PPP2R2C: variants seen among roughly 807,000 people sequenced by gnomAD.
PPP2R2C encodes the protein protein phosphatase 2 regulatory subunit Bgamma, also known as protein phosphatase 2, regulatory subunit B, gamma.
Under a neutral mutation model 45.3 loss-of-function variants are expected in PPP2R2C, and 10 were observed. The observed-to-expected ratio is 0.22, with a 90% CI of 0.14 to 0.37. The LOEUF is 0.37. Ranked by LOEUF, PPP2R2C falls within the 10% of genes least tolerant of loss-of-function variation. The probability of loss-of-function intolerance (pLI) is 1.00; values close to 1 mark genes in which losing one functional copy is unlikely to be tolerated. For missense variants in PPP2R2C, 308 were observed against 619.7 expected, an observed-to-expected ratio of 0.50 and a Z score of 5.34; for synonymous variants, 257 against 245.4, an observed-to-expected ratio of 1.05 and a Z score of -0.44.
intron 1 of PPP2R2C, among the ~76,000 whole-genome samples, chr4:6,417,272 T>C (rs892100637): frequency 6.6e-6 from 1 of 152,190 alleles, no homozygotes; most frequent in Non-Finnish European, 1.5e-5. Flanking sequence ...TCTGAGAATA[T>C]AAGTGTAGCC....
chr4:6,448,377 T>A (rs1720544962), intron 1 of PPP2R2C, among the ~76,000 whole-genome samples: 1 of 151,960 alleles, frequency 6.6e-6, no homozygotes, highest in Non-Finnish European at 1.5e-5. Flanking sequence ...TGGAGCGGGA[T>A]CCAGACCCAG....
rs1298608442 is a variant in PPP2R2C at position 6,320,923 on chromosome 4, TG to T, written c.*2378del. 1.3e-5 allele frequency: 2 copies of T among 152,254 alleles called. No individual in the cohort carries two copies. The highest frequency in any genetic ancestry group is 1.5e-5 in the Non-Finnish European group (1 of 68,054). The allele number at this position is 152,254 out of a possible 1,614,324, so 9.4% of individuals were successfully genotyped here. A position where few individuals can be genotyped will look rare whatever the true frequency, so the allele number is the denominator to read the frequency against. On this transcript the variant is annotated 3_prime_UTR_variant, in exon 9 of 9. Transcript: ENST00000382599. ...GGATGCAAGTCTGTGACTATTACAC[TG>T]GTCCTTCCACCGTTTCTGGTTTTGT... is the stretch of plus-strand genomic sequence containing the variant.
intron 1 of PPP2R2C, among the ~76,000 whole-genome samples, chr4:6,539,824 G>A (rs1724751088): frequency 6.6e-6 from 1 of 152,170 alleles, no homozygotes; most frequent in African/African-American, 2.4e-5. Flanking sequence ...CATACGACAA[G>A]TGAGGCCCCT....
intron 2 of PPP2R2C, among the ~76,000 whole-genome samples, chr4:6,480,108 A>G (rs1026343201): frequency 1.3e-5 from 2 of 151,974 alleles, no homozygotes; most frequent in African/African-American, 4.8e-5. Context: ...TTCTCTTTCC[A>G]GAGGCAAACA....
At chr4:6,391,877 T>C (rs1716669755) in intron 1 of PPP2R2C, among the ~76,000 whole-genome samples, 1 of 152,242 alleles carries the variant, frequency 6.6e-6, no homozygotes, top group Non-Finnish European at 1.5e-5. Flanking sequence ...CCTGACCAGC[T>C]GTGTGACCTT....
At chr4:6,448,890 C>T (rs540684307) in intron 1 of PPP2R2C, among the ~76,000 whole-genome samples, 1 of 152,326 alleles carries the variant, frequency 6.6e-6, no homozygotes, top group South Asian at 2.1e-4. Flanking sequence ...CGGGGGCTGA[C>T]CCCAGCAGGT....
intron 1 of PPP2R2C, among the ~76,000 whole-genome samples, chr4:6,552,503 CCT>C (rs1725216633): frequency 2.0e-5 from 3 of 152,048 alleles, no homozygotes; most frequent in Admixed American, 6.6e-5. Flanking sequence ...CTCTTTCTCT[CCT>C]CTTTCTTTCT....
intron 5 of PPP2R2C, among the ~76,000 whole-genome samples, chr4:6,370,831 C>A (rs1196567222): frequency 6.6e-6 from 1 of 152,196 alleles, no homozygotes; most frequent in Non-Finnish European, 1.5e-5. Flanking sequence ...GGCCCGATGT[C>A]CTTTCGGCTT....
At chr4:6,420,365 C>G (rs574180566) in intron 1 of PPP2R2C, among the ~76,000 whole-genome samples, 2 of 150,640 alleles carry the variant, frequency 1.3e-5, no homozygotes, top group Admixed American at 6.6e-5. Flanking sequence ...AGCATCCCCC[C>G]ACCTGTCCCG....
At chr4:6,414,186 C>T (rs1439526265) in intron 1 of PPP2R2C, among the ~76,000 whole-genome samples, 1 of 53,892 alleles carries the variant, frequency 1.9e-5, no homozygotes, top group African/African-American at 5.9e-5. Context: ...CTCCTCCTGG[C>T]TGGAGCTAGA....
intron 1 of PPP2R2C, among the ~76,000 whole-genome samples, chr4:6,538,425 C>T (rs931946440): frequency 6.6e-5 from 10 of 152,226 alleles, no homozygotes; most frequent in Admixed American, 5.9e-4. Context: ...GCGACGCAAG[C>T]GTTTCAGAGC....
Position 6,472,497 on chromosome 4 carries a change from G to C in PPP2R2C, c.-268C>G. 1 of 183,576 alleles carries C rather than the reference G, an allele frequency of 5.4e-6. No individual in the cohort carries two copies. The highest frequency in any genetic ancestry group is 1.0e-5 in the Non-Finnish European group (1 of 100,176). The allele number at this position is 183,576 out of a possible 1,614,324, so 11.4% of individuals were successfully genotyped here. A position where few individuals can be genotyped will look rare whatever the true frequency, so the allele number is the denominator to read the frequency against. ...CGCGCATCCCGGCCGGCCCGTGCGC[G>C]CTGCGTCCGTGCGCCCGGCGGCGGG... On this transcript the variant is annotated 5_prime_UTR_variant, in exon 1 of 9. Coordinates refer to ENST00000382599, the MANE Select transcript of PPP2R2C (RefSeq NM_020416.4).
Position 6,328,673 on chromosome 4 carries a change from G to T in PPP2R2C, c.1052+589C>A, listed in dbSNP as rs1457227743. ...TAGGGAGACACAGGAACTCACTTCT[G>T]GCACTGGGGCGCCACTTTCCAGGCA... is the stretch of plus-strand genomic sequence containing the variant. On this transcript the variant is annotated intron_variant, in intron 8 of 8. Coordinates refer to ENST00000382599, the MANE Select transcript of PPP2R2C (RefSeq NM_020416.4). The surrounding 1 kb of genome is among the most constrained non-coding windows in gnomAD (Gnocchi z 4.4). Among the ~76,000 whole-genome samples the T allele has an allele frequency of 6.6e-6, 1 of 152,190 alleles. No individual in the cohort carries two copies. The highest frequency in any genetic ancestry group is 1.5e-5 in the Non-Finnish European group (1 of 68,028).
At chr4:6,363,556 G>C (rs1328619649) in intron 5 of PPP2R2C, among the ~76,000 whole-genome samples, 1 of 151,776 alleles carries the variant, frequency 6.6e-6, no homozygotes, top group Admixed American at 6.6e-5. Flanking sequence ...TTCAGCCTGG[G>C]CGACACAGTG....
At chr4:6,376,038 GGGGTTC>G in intron 3 of PPP2R2C, 107 bp from the exon 4 acceptor site, 1 of 932,406 alleles carries the variant, frequency 1.1e-6, no homozygotes. Context: ...GGGGAAGGAG[GGGGTTC>G]TGCCAACAGA....
chr4:6,329,812 C>G lies in PPP2R2C; in HGVS notation c.961-459G>C, dbSNP rs1394364519. Among the ~76,000 whole-genome samples the G allele has an allele frequency of 2.6e-5, 4 of 152,234 alleles. No individual in the cohort carries two copies. Among genetic ancestry groups the G allele is most frequent in the Non-Finnish European group, 5.9e-5 (4 of 68,038 alleles). ...GGCCAGGACCACCTGGGGTCCAGATCCTGGCTCTGCCCTCCCAGCTGTGTG... is the reference window on the plus strand; with the variant it reads ...GGCCAGGACCACCTGGGGTCCAGATGCTGGCTCTGCCCTCCCAGCTGTGTG... On this transcript the variant is annotated intron_variant, in intron 7 of 8. Coordinates refer to ENST00000382599, the MANE Select transcript of PPP2R2C (RefSeq NM_020416.4). The surrounding 1 kb of genome is among the most constrained non-coding windows in gnomAD (Gnocchi z 5.8).
chr4:6,497,277 C>T (rs1321616912), intron 2 of PPP2R2C, among the ~76,000 whole-genome samples: 1 of 152,074 alleles, frequency 6.6e-6, no homozygotes, highest in Non-Finnish European at 1.5e-5. Context: ...ACGTGCCCTA[C>T]CAGATAGCAA....
intron 6 of PPP2R2C, among the ~76,000 whole-genome samples, chr4:6,339,797 C>T (rs1027694725): frequency 1.3e-5 from 2 of 152,152 alleles, no homozygotes; most frequent in Non-Finnish European, 2.9e-5. Context: ...ACCCTGGCCA[C>T]GGGTCCCTCC....
At chr4:6,409,721 C>T (rs962067858) in intron 1 of PPP2R2C, among the ~76,000 whole-genome samples, 5 of 152,122 alleles carry the variant, frequency 3.3e-5, no homozygotes, top group African/African-American at 7.2e-5. Flanking sequence ...TAAGGTTGGT[C>T]GGGGTTCAGG....
Sources: allele counts gnomAD v4.1 joint callset (sites outside exome capture counted in the v4.1 genomes callset), GRCh38; gene constraint gnomAD v4.1.1; non-coding constraint Gnocchi (gnomAD v3.1); transcripts MANE v1.5; gene names NCBI Gene and HGNC (gene_info 2026-07-23, HGNC 2026-07-21).